Variants in MYH14 observed in about 807,000 individuals in gnomAD.
The protein encoded by MYH14 is myosin-14.
Under a neutral mutation model 255.5 loss-of-function variants are expected in MYH14, and 123 were observed. That is an observed-to-expected ratio of 0.48 (90% CI 0.42 to 0.56). MYH14 has a LOEUF of 0.56. MYH14 is among the 20% of genes least tolerant of loss of function. The pLI, the probability that MYH14 is intolerant of heterozygous loss-of-function variation, is 0.00. For synonymous variants in MYH14, 1,095 were observed against 1,161.2 expected (o/e 0.94, Z 1.16); for missense variants, 2,423 against 2,802.3 (o/e 0.86, Z 3.06).
At chr19:50,234,481 T>C (rs113457476) in intron 10 of MYH14, among the ~76,000 whole-genome samples, 2 of 152,278 alleles carry the variant, frequency 1.3e-5, no homozygotes, top group African/African-American at 4.8e-5. Context: ...TTGGAAGTGC[T>C]GGAAATGGAG....
intron 39 of MYH14, among the ~76,000 whole-genome samples, chr19:50,294,338 T>C (rs1240175899): frequency 6.6e-6 from 1 of 151,142 alleles, no homozygotes; most frequent in Non-Finnish European, 1.5e-5. Flanking sequence ...CCTTGAGAGA[T>C]CTTAAAGGAA....
intron 16 of MYH14, among the ~76,000 whole-genome samples, chr19:50,253,443 A>C (rs1052663933): frequency 2.2e-5 from 2 of 90,124 alleles, no homozygotes; most frequent in African/African-American, 1.2e-4. Flanking sequence ...ACTCTGTCCC[A>C]AAAAAAAAAA....
In MYH14 at chr19:50,247,037, G is replaced by A. The variant is rs368472938; in HGVS notation, c.1244G>A (p.Gly415Glu). Residue 415 changes from glycine to glutamate, a missense_variant, in exon 12 of 43, where the codon GGG becomes GAG. Coordinates refer to ENST00000642316, the MANE Select transcript of MYH14 (RefSeq NM_001145809.2). Reference protein sequence around the residue: ...AQKLCRLLGLGVTDFSRALLT... With the variant: ...AQKLCRLLGLEVTDFSRALLT... ...AAGCTCTGCCGCCTCTTGGGACTGGGGGTGACGGATTTCTCCCGAGCCTTG... is the reference window on the plus strand; with the variant it reads ...AAGCTCTGCCGCCTCTTGGGACTGGAGGTGACGGATTTCTCCCGAGCCTTG... 185 of 1,612,900 alleles carry A rather than the reference G, an allele frequency of 1.1e-4. No homozygotes were observed. Among genetic ancestry groups the A allele is most frequent in the Non-Finnish European group, 1.5e-4 (173 of 1,179,590 alleles).
rs758426078 is a variant in MYH14, at chr19:50,210,429, G to C, written c.64G>C (p.Glu22Gln). 7 of 1,558,196 alleles carry C rather than the reference G, an allele frequency of 4.5e-6. No individual in the cohort carries two copies. The highest frequency in any genetic ancestry group is 6.1e-6 in the Non-Finnish European group (7 of 1,153,010). ...GCCCCCCAGGCCGGGCCCAGTGCCC[G>C]AGGCGGCCCAGCCGTTCCTGTTCAC... ...KAPPRPGPVP[E>Q]AAQPFLFTPR... Residue 22 changes from glutamate (E) to glutamine (Q), a missense_variant, in exon 2 of 43, where the codon GAG becomes CAG. Around this residue, in one of 3 missense-constraint regions of MYH14, gnomAD observed 238 missense variants for 245.8 expected, o/e 0.97. Coordinates refer to ENST00000642316, the MANE Select transcript of MYH14 (RefSeq NM_001145809.2).
intron 3 of MYH14, among the ~76,000 whole-genome samples, chr19:50,219,244 A>T (rs1329612691): frequency 6.6e-6 from 1 of 151,430 alleles, no homozygotes; most frequent in Non-Finnish European, 1.5e-5. Flanking sequence ...TGCTATAAAC[A>T]TGTGTGTGCA....
At chr19:50,308,978 T>G (rs756485584) in intron 41 of MYH14, 27 bp from the exon 42 acceptor site, 1 of 1,584,272 alleles carries the variant, frequency 6.3e-7, no homozygotes. Context: ...CCTGGAGATA[T>G]AACCCAGTCC....
At position 50,243,772 on chromosome 19, in the gene MYH14, A is replaced by G. The variant is rs375919175; in HGVS notation, c.1115-470A>G. On this transcript the variant is annotated intron_variant, in intron 10 of 42. Transcript: ENST00000642316. ...CCTGTTTTTCACTCATTGTGGTAGA[A>G]GTCTTTCCATATCACTGTAGACCTT... is the stretch of plus-strand genomic sequence containing the variant. Among the ~76,000 whole-genome samples the G allele has an allele frequency of 4.9e-4, 74 of 152,334 alleles. 1 individual carries two copies. The South Asian group carries it at 0.014, about 29-fold the overall frequency.
At chr19:50,214,126 C>T (rs2032345568) in intron 2 of MYH14, among the ~76,000 whole-genome samples, 1 of 152,170 alleles carries the variant, frequency 6.6e-6, no homozygotes. Context: ...CTGTGCCCAG[C>T]TGGGGTTCAC....
rs908357821 is a variant in MYH14, at chr19:50,244,341, C to T, written c.1210+4C>T. On this transcript the variant is annotated splice_donor_region_variant and intron_variant, in intron 11 of 42. Transcript: ENST00000642316. ...GCCACCATGCCTGACAACACAGGTA[C>T]TGCCCCCGGCCTGCCTGCCCACGAC... 46 of 1,612,864 alleles carry T rather than the reference C, an allele frequency of 2.9e-5. No homozygotes were observed. Among genetic ancestry groups the T allele is most frequent in the Non-Finnish European group, 3.9e-5 (46 of 1,179,612 alleles).
intron 5 of MYH14, 122 bp from the exon 6 acceptor site, chr19:50,224,032 T>TGCCCCCCCCCCCCCCCCC: frequency 1.6e-6 from 1 of 610,326 alleles, no homozygotes; most frequent in Non-Finnish European, 3.0e-6. Flanking sequence ...ATGCCCGGTT[T>TGCCCCCCCCCCCCCCCCC]CCCCAGTCCC....
chr19:50,297,343 GT>G (rs2036305622), intron 39 of MYH14, among the ~76,000 whole-genome samples: 1 of 152,014 alleles, frequency 6.6e-6, no homozygotes, highest in Non-Finnish European at 1.5e-5. Context: ...TGTGGGCAGG[GT>G]TGGTTCCTCT....
chr19:50,272,235 G>C (rs1178149887), intron 26 of MYH14, among the ~76,000 whole-genome samples: 1 of 152,070 alleles, frequency 6.6e-6, no homozygotes, highest in African/African-American at 2.4e-5. Flanking sequence ...ACATGTTTTT[G>C]TCTCCCTGTC....
chr19:50,239,862 T>G (rs1372801963), intron 10 of MYH14, among the ~76,000 whole-genome samples: 1 of 152,218 alleles, frequency 6.6e-6, no homozygotes, highest in Non-Finnish European at 1.5e-5. Flanking sequence ...CACACCTTTT[T>G]CTAAGCCACC....
At chr19:50,224,060 T>TCCCCCC in intron 5 of MYH14, 94 bp from the exon 6 acceptor site, 13 of 390,832 alleles carry the variant, frequency 3.3e-5, no homozygotes, top group Admixed American at 8.3e-5. Context: ...CCACCCCCCA[T>TCCCCCC]GCCACCACCT....
chr19:50,234,458 C>T (rs543843685), intron 10 of MYH14, among the ~76,000 whole-genome samples: 48 of 152,184 alleles, frequency 3.2e-4, no homozygotes, highest in Non-Finnish European at 5.3e-4. Flanking sequence ...CTATTGTTGG[C>T]TCCAGGGCCG....
rs1003591202 is a variant in MYH14 at position 50,293,080 on chromosome 19, G to A, written c.5257-153G>A. Among the ~76,000 whole-genome samples the A allele has an allele frequency of 3.9e-5, 6 of 152,002 alleles. No individual in the cohort carries two copies. Among genetic ancestry groups the A allele is most frequent in the African/African-American group, 7.3e-5 (3 of 41,348 alleles). ...AGGGGCTCAGGAGACAGATTTAGGA[G>A]ACATCTGTAGGTTGCAGCTCATTCC... On this transcript the variant is annotated intron_variant, in intron 37 of 42. Transcript: ENST00000642316. The surrounding 1 kb of genome is among the most constrained non-coding windows in gnomAD (Gnocchi z 4.1).
chr19:50,236,648 C>T (rs1358608275), intron 10 of MYH14, among the ~76,000 whole-genome samples: 1 of 151,734 alleles, frequency 6.6e-6, no homozygotes, highest in Non-Finnish European at 1.5e-5. Flanking sequence ...GCGGAGGTTG[C>T]AGTGAGCCAA....
chr19:50,276,926 C>A lies in MYH14; in HGVS notation c.3825+25C>A. 3.6e-6 allele frequency: 5 copies of A among 1,406,880 alleles called. No individual in the cohort carries two copies. The highest frequency in any genetic ancestry group is 2.3e-5 in the Admixed American group (1 of 43,304). The allele number at this position is 1,406,880 out of a possible 1,614,324, so 87.1% of individuals were successfully genotyped here. ...GGTGGGTTGGGGCAGGGGGACAGGGCAGGGGGGCCACGGGGAGGGCAGGGC... is the reference window on the plus strand; with the variant it reads ...GGTGGGTTGGGGCAGGGGGACAGGGAAGGGGGGCCACGGGGAGGGCAGGGC... On this transcript the variant is annotated intron_variant, in intron 29 of 42. Transcript: ENST00000642316. This position sits in a 1 kb window ranked among gnomAD's most constrained non-coding sequence, Gnocchi z 4.3.
In MYH14 at chr19:50,250,675, A is replaced by G; in HGVS notation, c.1817A>G (p.His606Arg). Residue 606 changes from histidine (H) to arginine (R), a missense_variant, in exon 15 of 43, where the codon CAC becomes CGC. By Grantham distance (29) the His-to-Arg change is conservative. Transcript: ENST00000642316. This position sits in a 1 kb window ranked among gnomAD's most constrained non-coding sequence, Gnocchi z 5.4. ...GATCAGGCCGACTTCAGTGTTCTCC[A>G]CTACGCGGGCAAGGTAGGGGCTGGG... The part of the protein sequence containing the change: ...LRDQADFSVL[H>R]YAGKVDYKAN... The G allele has an allele frequency of 6.2e-7, 1 of 1,612,494 alleles. No homozygotes were observed. The highest frequency in any genetic ancestry group is 8.5e-7 in the Non-Finnish European group (1 of 1,178,746).
Sources: allele counts gnomAD v4.1 joint callset (sites outside exome capture counted in the v4.1 genomes callset), GRCh38; gene constraint gnomAD v4.1.1; regional missense constraint gnomAD v4.1.1; non-coding constraint Gnocchi (gnomAD v3.1); transcripts MANE v1.5; gene names NCBI Gene and HGNC (gene_info 2026-07-23, HGNC 2026-07-21).